Variants in CYTH4 observed in about 807,000 individuals in gnomAD.
CYTH4 encodes the protein cytohesin-4.
Under a neutral mutation model 57.5 loss-of-function variants are expected in CYTH4, and 22 were observed. The ratio of observed to expected loss-of-function variants is 0.38; its 90% CI spans 0.27 to 0.55. The LOEUF (loss-of-function observed/expected upper bound fraction) is 0.55. CYTH4 is among the 20% of genes least tolerant of loss of function. CYTH4 has a pLI of 0.74. For synonymous variants in CYTH4, 186 were observed against 206.5 expected, an observed-to-expected ratio of 0.90 and a Z score of 0.85; for missense variants, 420 against 535.6, an observed-to-expected ratio of 0.78 and a Z score of 2.13.
intron 8 of CYTH4, among the ~76,000 whole-genome samples, chr22:37,308,454 ATG>A (rs1267924478): frequency 6.8e-5 from 10 of 147,534 alleles, no homozygotes; most frequent in African/African-American, 2.6e-4. Flanking sequence ...GTGAGTGTGC[ATG>A]TATATAAGTG....
intron 9 of CYTH4, among the ~76,000 whole-genome samples, chr22:37,310,218 C>CCTGTCCTGCCCCAGCCACGTG (rs1929591208): frequency 6.6e-6 from 1 of 152,130 alleles, no homozygotes; most frequent in African/African-American, 2.4e-5. Flanking sequence ...CACTCGGCCG[C>CCTGTCCTGCCCCAGCCACGTG]CTGTCCTGCC....
intron 9 of CYTH4, chr22:37,309,986 C>A (rs536729390): frequency 2.1e-5 from 10 of 469,210 alleles, no homozygotes; most frequent in South Asian, 1.6e-4. Flanking sequence ...CTTCCGGAAG[C>A]CTCTCCAGCA....
At chr22:37,286,235 G>T (rs1444811510) in intron 1 of CYTH4, among the ~76,000 whole-genome samples, 2 of 152,196 alleles carry the variant, frequency 1.3e-5, no homozygotes, top group Non-Finnish European at 2.9e-5. Flanking sequence ...GCCTTCGGAA[G>T]ATCAACATCA....
intron 1 of CYTH4, among the ~76,000 whole-genome samples, chr22:37,290,719 A>G (rs1014264070): frequency 6.6e-6 from 1 of 152,204 alleles, no homozygotes; most frequent in Non-Finnish European, 1.5e-5. Flanking sequence ...TGTGTTATCC[A>G]GGATGGTCTC....
chr22:37,308,900 G>A (rs1213786000), intron 8 of CYTH4, among the ~76,000 whole-genome samples: 4 of 152,118 alleles, frequency 2.6e-5, no homozygotes, highest in Non-Finnish European at 5.9e-5. Context: ...GTGTGTGTAA[G>A]CATGTATATT....
Position 37,313,631 on chromosome 22 carries a change from C to G in CYTH4, c.*120C>G. 1.1e-6 allele frequency: 1 copy of G among 919,596 alleles called. No individual in the cohort carries two copies. Among genetic ancestry groups the G allele is most frequent in the Non-Finnish European group, 1.7e-6 (1 of 583,478 alleles). 57.0% of individuals were successfully genotyped at this position (919,596 alleles called of 1,614,324 possible). On this transcript the variant is annotated 3_prime_UTR_variant, in exon 13 of 13. Transcript: ENST00000248901. The stretch of plus-strand genomic sequence containing the variant: ...GGCCACAGACATCATTGCTGTTCCC[C>G]GTTACCTCGAGCTGACTCTAGAGGG...
chr22:37,292,382 A>G (rs1225348266), intron 1 of CYTH4: 1 of 516,088 alleles, frequency 1.9e-6, no homozygotes. Flanking sequence ...AGATGCAAGG[A>G]AACAGGATCC....
chr22:37,291,450 G>A (rs886470776), intron 1 of CYTH4, among the ~76,000 whole-genome samples: 4 of 152,172 alleles, frequency 2.6e-5, no homozygotes, highest in East Asian at 1.9e-4. Flanking sequence ...TAAGAAATGC[G>A]GCCAGGCACT....
rs56378525 is a variant in CYTH4 at position 37,311,031 on chromosome 22, C to A, written c.852C>A (p.Thr284=). 1.9e-6 allele frequency: 3 copies of A among 1,614,028 alleles called. No homozygotes were observed. Among genetic ancestry groups the A allele is most frequent in the Non-Finnish European group, 1.7e-6 (2 of 1,180,018 alleles). The change falls in exon 10 of 13, where the codon ACC becomes ACA. Residue 284 remains threonine (T), a synonymous_variant. Coordinates refer to ENST00000248901, the MANE Select transcript of CYTH4 (RefSeq NM_013385.5). The surrounding 1 kb of genome is among the most constrained non-coding windows in gnomAD (Gnocchi z 4.4). ...KTWKRRWFIL[T]DNCLYYFEFT... ...GGAAACGGCGCTGGTTCATCCTGAC[C>A]GACAACTGCCTCTACTACTTCGAGT...
At chr22:37,305,554 TGGC>T (rs1929364205) in intron 8 of CYTH4, among the ~76,000 whole-genome samples, 1 of 152,016 alleles carries the variant, frequency 6.6e-6, no homozygotes, top group African/African-American at 2.4e-5. Context: ...GTAGTTGGAG[TGGC>T]TAATCAATCC....
At chr22:37,303,120 C>A in intron 7 of CYTH4, 134 bp from the exon 8 acceptor site, 1 of 1,307,522 alleles carries the variant, frequency 7.6e-7, no homozygotes, top group Non-Finnish European at 1.0e-6. Flanking sequence ...GGAGGCTGGG[C>A]CTCAAAGCCC....
At chr22:37,310,724 AT>A (rs1569112724) in intron 9 of CYTH4, among the ~76,000 whole-genome samples, 1 of 152,186 alleles carries the variant, frequency 6.6e-6, no homozygotes, top group East Asian at 1.9e-4. Flanking sequence ...GGAACTGGCC[AT>A]TCCTAGGACC....
chr22:37,306,093 C>T (rs1929382803), intron 8 of CYTH4, among the ~76,000 whole-genome samples: 1 of 152,188 alleles, frequency 6.6e-6, no homozygotes, highest in Admixed American at 6.5e-5. Context: ...ATGATGCTGG[C>T]TTCATATTGT....
chr22:37,309,207 G>A lies in CYTH4; in HGVS notation c.697-5G>A. On this transcript the variant is annotated splice_polypyrimidine_tract_variant and splice_region_variant and intron_variant, in intron 8 of 12. Transcript: ENST00000248901. ...CAGGTCTTTCTCTCCCTTGTCTTGG[G>A]GCAGAACCTCTTCGACAGCATCAAG... 6.2e-7 allele frequency: 1 copy of A among 1,613,840 alleles called. No homozygotes were observed. Among genetic ancestry groups the A allele is most frequent in the South Asian group, 1.1e-5 (1 of 91,074 alleles).
In CYTH4 at chr22:37,297,641, G is replaced by C. The variant is rs1334020863; in HGVS notation, c.312G>C (p.Glu104Asp). The change falls in exon 5 of 13, where the codon GAG (glutamate) becomes GAC (aspartate). Residue 104 changes from glutamate (E) to aspartate (D), a missense_variant. Glu to Asp is a conservative substitution (Grantham distance 45). Coordinates refer to ENST00000248901, the MANE Select transcript of CYTH4 (RefSeq NM_013385.5). ...TTGCACGGTTCCTGTATAAAGGCGAGGGCCTCAACAAGACAGCCATTGGTA... is the reference window on the plus strand; with the variant it reads ...TTGCACGGTTCCTGTATAAAGGCGACGGCCTCAACAAGACAGCCATTGGTA... Reference protein sequence around the residue: ...QDIARFLYKGEGLNKTAIGTY... With the variant: ...QDIARFLYKGDGLNKTAIGTY... 6.2e-7 allele frequency: 1 copy of C among 1,613,962 alleles called. No individual in the cohort carries two copies.
rs762128641 is a variant in CYTH4 at position 37,296,036 on chromosome 22, C to G, written c.205C>G (p.Arg69Gly). The G allele has an allele frequency of 1.2e-6, 2 of 1,613,300 alleles. No homozygotes were observed. The highest frequency in any genetic ancestry group is 8.5e-7 in the Non-Finnish European group (1 of 1,179,586). ...GAAGGAGAAGGAGCTGTGTATTGGG[C>G]GCAAGAAGTTCAACATGGACCCCGC... is the stretch of plus-strand genomic sequence containing the variant. ...AQKEKELCIG[R>G]KKFNMDPAKG... Residue 69 changes from arginine (R) to glycine (G), a missense_variant, in exon 4 of 13, where the codon CGC (arginine) becomes GGC (glycine). By Grantham distance (125) the Arg-to-Gly change is moderately radical (BLOSUM62 -2). Coordinates refer to ENST00000248901, the MANE Select transcript of CYTH4 (RefSeq NM_013385.5).
At chr22:37,312,998 C>T (rs1261352051) in intron 12 of CYTH4, among the ~76,000 whole-genome samples, 7 of 152,196 alleles carry the variant, frequency 4.6e-5, no homozygotes, top group African/African-American at 9.7e-5. Flanking sequence ...CCAGGCAGAC[C>T]CATTCTCACC....
rs759221268 is a variant in CYTH4, at chr22:37,295,391, CGCATGCACACACACACAA to C, written c.168-557_168-540del. On this transcript the variant is annotated intron_variant, in intron 3 of 12. Coordinates refer to ENST00000248901, the MANE Select transcript of CYTH4 (RefSeq NM_013385.5). This position sits in a 1 kb window ranked among gnomAD's most constrained non-coding sequence, Gnocchi z 4.1. ...CACCACACACATGCACACACACACACGCATGCACACACACACAAGCATGCACACACACACAAGCATGCA... is the reference window on the plus strand; with the variant it reads ...CACCACACACATGCACACACACACACGCATGCACACACACACAAGCATGCA... 0.033 allele frequency among the ~76,000 whole-genome samples: 4,937 copies of C among 149,870 alleles called. 281 individuals carry two copies. Among genetic ancestry groups the C allele is most frequent in the African/African-American group, 0.11 (4,380 of 39,618 alleles).
intron 8 of CYTH4, among the ~76,000 whole-genome samples, chr22:37,305,227 C>T (rs577284197): frequency 1.3e-5 from 2 of 152,246 alleles, no homozygotes; most frequent in South Asian, 2.1e-4. Flanking sequence ...TTTCCCAATT[C>T]GAGCCTTTTG....
Sources: gnomAD v4.1 joint callset for allele counts (sites outside exome capture counted in the v4.1 genomes callset) on GRCh38, gnomAD v4.1.1 for gene constraint, Gnocchi (gnomAD v3.1) non-coding constraint, MANE v1.5 for transcripts, NCBI Gene and HGNC (gene_info 2026-07-23, HGNC 2026-07-21) for gene names.